The following RBBP6 variants were observed in gnomAD, a reference collection of about 807,000 sequenced individuals.
The protein encoded by RBBP6 is E3 ubiquitin-protein ligase RBBP6.
In RBBP6, 25 loss-of-function variants were observed where a neutral mutation model predicts 167.7. The observed-to-expected ratio is 0.15, with a 90% CI of 0.11 to 0.21. The LOEUF is 0.21. RBBP6 is among the 10% of genes least tolerant of loss of function. RBBP6 has a pLI of 1.00. For synonymous variants in RBBP6, 789 were observed against 735.8 expected, an observed-to-expected ratio of 1.07 and a Z score of -1.17; for missense variants, 1,868 against 2,134.2, an observed-to-expected ratio of 0.88 and a Z score of 2.46.
intron 3 of RBBP6, chr16:24,549,482 A>G: frequency 1.6e-6 from 1 of 607,698 alleles, no homozygotes; most frequent in Non-Finnish European, 2.1e-6. Flanking sequence ...CCAAAAACGC[A>G]TTAGCAACAT....
chr16:24,556,311 A>G lies in RBBP6; in HGVS notation c.538A>G (p.Lys180Glu). The G allele has an allele frequency of 6.3e-7, 1 of 1,582,716 alleles. No homozygotes were observed. Among genetic ancestry groups the G allele is most frequent in the Non-Finnish European group, 8.7e-7 (1 of 1,152,734 alleles). Residue 180 changes from lysine to glutamate, a missense_variant, in exon 7 of 18, where the codon AAA (lysine) becomes GAA (glutamate). Physicochemically the swap from Lys to Glu is moderately conservative, Grantham distance 56 (BLOSUM62 1). Transcript: ENST00000319715. ...TCTTCCTTTTTCCTCTGAATAGGAT[A>G]AAAACTTTGAATCTGGTCCTAGGAT... is the stretch of plus-strand genomic sequence containing the variant. ...YIKNCPTNGDKNFESGPRIKK... is the reference protein window; with the variant it reads ...YIKNCPTNGDENFESGPRIKK...
At chr16:24,556,179 G>A (rs1898908106) in intron 6 of RBBP6, 129 bp from the exon 7 acceptor site, 2 of 785,380 alleles carry the variant, frequency 2.5e-6, no homozygotes, top group Non-Finnish European at 4.0e-6. Flanking sequence ...CAGTTACAAG[G>A]ATTAAATGAG....
intron 10 of RBBP6, 106 bp downstream of exon 10, chr16:24,562,267 C>CA: frequency 9.7e-7 from 1 of 1,033,740 alleles, no homozygotes; most frequent in Non-Finnish European, 1.4e-6. Context: ...CCACTGTGCT[C>CA]AGTAATGTGG....
At chr16:24,549,234 A>G in intron 3 of RBBP6, 1 of 1,387,632 alleles carries the variant, frequency 7.2e-7, no homozygotes, top group Non-Finnish European at 9.3e-7. Context: ...TCCCTGTATG[A>G]CACTGTGTTG....
intron 3 of RBBP6, among the ~76,000 whole-genome samples, chr16:24,552,596 A>T (rs1898822967): frequency 6.6e-6 from 1 of 151,822 alleles, no homozygotes; most frequent in Non-Finnish European, 1.5e-5. Context: ...ATACATTTTT[A>T]TTTTTATTTT....
rs1419641966 is a variant in RBBP6, at chr16:24,567,851, A to C, written c.2012A>C (p.Glu671Ala). The C allele has an allele frequency of 1.9e-6, 3 of 1,613,874 alleles. No homozygotes were observed. Among genetic ancestry groups the C allele is most frequent in the Non-Finnish European group, 2.5e-6 (3 of 1,179,862 alleles). ...FTNDFAKELM[E>A]YKKIQKERRR... Reference sequence around the variant, plus strand: ...AATGATTTTGCTAAGGAATTGATGGAATACAAAAAGATTCAAAAGGAGCGT... The same window carrying C: ...AATGATTTTGCTAAGGAATTGATGGCATACAAAAAGATTCAAAAGGAGCGT... The change falls in exon 16 of 18, where the codon GAA (glutamate) becomes GCA (alanine). Residue 671 changes from glutamate to alanine, a missense_variant. Physicochemically the swap from Glu to Ala is moderately radical, Grantham distance 107. Coordinates refer to ENST00000319715, the MANE Select transcript of RBBP6 (RefSeq NM_006910.5).
intron 5 of RBBP6, 50 bp from the exon 6 acceptor site, chr16:24,555,771 C>T: frequency 6.3e-7 from 1 of 1,586,150 alleles, no homozygotes; most frequent in Non-Finnish European, 8.7e-7. Flanking sequence ...ATCAAAAGCA[C>T]TATTTTTTCA....
Position 24,568,796 on chromosome 16 carries a change from T to C in RBBP6, c.2106T>C (p.Tyr702=), listed in dbSNP as rs1391872418. The change falls in exon 17 of 18, where the codon TAT becomes TAC. Residue 702 remains tyrosine (Y), a synonymous_variant. Coordinates refer to ENST00000319715, the MANE Select transcript of RBBP6 (RefSeq NM_006910.5). ...GSSYSRSSYT[Y]SKSRSGSTRS... ...CGTATTCAAGAAGTTCATATACTTA[T>C]TCTAAATCAAGATCTGGTTCAACAC... 3.1e-6 allele frequency: 5 copies of C among 1,614,246 alleles called. No homozygotes were observed. The highest frequency in any genetic ancestry group is 2.2e-5 in the East Asian group (1 of 44,888).
Position 24,567,406 on chromosome 16 carries a change from C to T in RBBP6, c.1853C>T (p.Ser618Leu). The T allele has an allele frequency of 1.2e-6, 2 of 1,614,206 alleles. No individual in the cohort carries two copies. The highest frequency in any genetic ancestry group is 1.7e-6 in the Non-Finnish European group (2 of 1,180,034). ...PANLSTPWVS[S>L]GVQTAHSNTI... ...AATTTATCAACACCTTGGGTATCAT[C>T]AGGAGTGCAGACAGCTCATTCAAAT... Residue 618 changes from serine to leucine, a missense_variant, in exon 15 of 18, where the codon TCA becomes TTA. By Grantham distance (145) the Ser-to-Leu change is moderately radical. Coordinates refer to ENST00000319715, the MANE Select transcript of RBBP6 (RefSeq NM_006910.5).
intron 3 of RBBP6, among the ~76,000 whole-genome samples, chr16:24,550,371 GTTTT>G: frequency 7.4e-6 from 1 of 134,244 alleles, no homozygotes; most frequent in Non-Finnish European, 1.6e-5. Context: ...TTGTTTTTTT[GTTTT>G]TTTTTTTTAA....
chr16:24,540,924 C>G (rs749229980), intron 1 of RBBP6, 132 bp downstream of exon 1: 3 of 1,100,888 alleles, frequency 2.7e-6, no homozygotes, highest in South Asian at 1.9e-5. Flanking sequence ...ATACAACTTT[C>G]ATTGATAGCC....
At position 24,572,366 on chromosome 16, in the gene RBBP6, A is replaced by G; in HGVS notation, c.5300A>G (p.Lys1767Arg). The G allele has an allele frequency of 3.9e-6, 6 of 1,551,466 alleles. No individual in the cohort carries two copies. Among genetic ancestry groups the G allele is most frequent in the Non-Finnish European group, 4.4e-6 (5 of 1,147,028 alleles). The part of the protein sequence containing the change: ...LEKSQKHKHK[K>R]KKSKKNKDKE... ...AAAAGCCAAAAACACAAACACAAGA[A>G]AAAGAAGTCAAAGAAGAACAAAGAT... The change falls in exon 18 of 18, where the codon AAA becomes AGA. Residue 1767 changes from lysine to arginine, a missense_variant. Around this residue, in one of 7 missense-constraint regions of RBBP6, gnomAD observed 591 missense variants for 540.5 expected, o/e 1.09. Transcript: ENST00000319715.
intron 2 of RBBP6, among the ~76,000 whole-genome samples, chr16:24,548,613 T>C (rs1363300628): frequency 2.6e-5 from 4 of 152,286 alleles, no homozygotes; most frequent in African/African-American, 9.6e-5. Context: ...TAATTTAAAA[T>C]TTTCAGTTTA....
intron 15 of RBBP6, 124 bp from the exon 16 acceptor site, chr16:24,567,668 A>G: frequency 8.0e-7 from 1 of 1,247,832 alleles, no homozygotes; most frequent in Non-Finnish European, 1.1e-6. Context: ...TTCCTAGTTT[A>G]TAGTTTTAAA....
Position 24,554,566 on chromosome 16 carries a change from T to C in RBBP6, c.348+1009T>C, listed in dbSNP as rs148542702. Reference sequence around the variant, plus strand: ...GGGAAAACTAAGCATTAAAATTGATTATTCTAAAACATAAAGTGGACTAAA... The same window carrying C: ...GGGAAAACTAAGCATTAAAATTGATCATTCTAAAACATAAAGTGGACTAAA... On this transcript the variant is annotated intron_variant, in intron 4 of 17. Coordinates refer to ENST00000319715, the MANE Select transcript of RBBP6 (RefSeq NM_006910.5). 4 of 152,220 alleles carry C rather than the reference T, an allele frequency of 2.6e-5. No homozygotes were observed. The East Asian group carries it at 7.7e-4, about 29-fold the overall frequency. The allele number at this position is 152,220 out of a possible 1,614,324, so 9.4% of individuals were successfully genotyped here.
At chr16:24,549,010 TC>T (rs1334296687) in intron 3 of RBBP6, 29 bp downstream of exon 3, 5 of 1,607,144 alleles carry the variant, frequency 3.1e-6, no homozygotes, top group Non-Finnish European at 3.4e-6. Flanking sequence ...TCACACTTTT[TC>T]TACACATTGC....
Position 24,569,547 on chromosome 16 carries a change from T to G in RBBP6, c.2857T>G (p.Leu953Val). Reference protein sequence around the residue: ...EESEGFLNPELLETSRKSREP... With the variant: ...EESEGFLNPEVLETSRKSREP... ...AAGTGAGGGTTTTCTGAACCCAGAG[T>G]TATTAGAGACTTCTAGGAAATCAAG... Residue 953 changes from leucine (L) to valine (V), a missense_variant, in exon 17 of 18, where the codon TTA becomes GTA. This residue lies in a region of RBBP6 where 673 missense variants were observed against 691.5 expected (regional missense o/e 0.97). Coordinates refer to ENST00000319715, the MANE Select transcript of RBBP6 (RefSeq NM_006910.5). The G allele has an allele frequency of 6.2e-7, 1 of 1,610,976 alleles. No homozygotes were observed. The highest frequency in any genetic ancestry group is 8.5e-7 in the Non-Finnish European group (1 of 1,179,176).
At chr16:24,549,365 C>T in intron 3 of RBBP6, 1 of 1,032,372 alleles carries the variant, frequency 9.7e-7, no homozygotes, top group South Asian at 4.6e-5. Flanking sequence ...CTGTTGTGTG[C>T]TTTTTGTTTC....
At chr16:24,552,117 T>C (rs1898810999) in intron 3 of RBBP6, among the ~76,000 whole-genome samples, 1 of 151,854 alleles carries the variant, frequency 6.6e-6, no homozygotes, top group Non-Finnish European at 1.5e-5. Context: ...AGTTCCTTAA[T>C]GTGGAGCAAA....
Sources: allele counts gnomAD v4.1 joint callset (sites outside exome capture counted in the v4.1 genomes callset), GRCh38; gene constraint gnomAD v4.1.1; regional missense constraint gnomAD v4.1.1; transcripts MANE v1.5; gene names NCBI Gene and HGNC (gene_info 2026-07-23, HGNC 2026-07-21).